The following HK2 variants were observed in gnomAD, a reference collection of about 807,000 sequenced individuals.
HK2 encodes hexokinase-2.
In HK2, 42 loss-of-function variants were observed where a neutral mutation model predicts 92.9. That is an observed-to-expected ratio of 0.45 (90% CI 0.35 to 0.58). HK2 has a LOEUF of 0.58. Ranked by LOEUF, HK2 falls within the 20% of genes least tolerant of loss-of-function variation. The pLI, the probability that HK2 is intolerant of heterozygous loss-of-function variation, is 0.00. For missense variants in HK2, 978 were observed against 1,245.1 expected (o/e 0.79, Z 3.23); for synonymous variants, 422 against 468.0 (o/e 0.90, Z 1.27).
At position 74,873,874 on chromosome 2, in the gene HK2, A is replaced by G; in HGVS notation, c.622A>G (p.Asn208Asp). The G allele has an allele frequency of 6.2e-7, 1 of 1,614,018 alleles. No homozygotes were observed. The highest frequency in any genetic ancestry group is 8.5e-7 in the Non-Finnish European group (1 of 1,179,994). Residue 208 changes from asparagine (N) to aspartate (D), a missense_variant, in exon 6 of 18, where the codon AAT becomes GAT. This residue lies in a region of HK2 where 189 missense variants were observed against 289.5 expected (regional missense o/e 0.65). Transcript: ENST00000290573. The part of the protein sequence containing the change: ...DFDIDIVAVV[N>D]DTVGTMMTCG... ...TGATATCGACATTGTGGCTGTGGTG[A>G]ATGACACAGTTGGGACCATGATGAC...
Position 74,867,796 on chromosome 2 carries a change from C to T in HK2, c.375+12C>T. ...GCAGTGGCACCCAGGTATGACCCTTCTCTCAGGGCAGCCCCTGGTGACAAA... is the reference window on the plus strand; with the variant it reads ...GCAGTGGCACCCAGGTATGACCCTTTTCTCAGGGCAGCCCCTGGTGACAAA... On this transcript the variant is annotated intron_variant, in intron 3 of 17. Transcript: ENST00000290573. 1 of 1,613,986 alleles carries T rather than the reference C, an allele frequency of 6.2e-7. No homozygotes were observed. Among genetic ancestry groups the T allele is most frequent in the Non-Finnish European group, 8.5e-7 (1 of 1,179,906 alleles).
intron 3 of HK2, among the ~76,000 whole-genome samples, chr2:74,870,554 CTTT>C (rs60629948): frequency 0.11 from 14,032 of 122,102 alleles, 1,701 homozygotes; most frequent in African/African-American, 0.34. Flanking sequence ...CTGCATCTCC[CTTT>C]TTTTTTTTTT....
intron 2 of HK2, among the ~76,000 whole-genome samples, chr2:74,862,747 C>T (rs1287694095): frequency 2.0e-5 from 3 of 152,212 alleles, no homozygotes; most frequent in African/African-American, 4.8e-5. Flanking sequence ...ATGGCACTTA[C>T]ATTGTCAGGC....
chr2:74,854,734 A>G (rs1488311488), intron 2 of HK2, among the ~76,000 whole-genome samples: 1 of 152,188 alleles, frequency 6.6e-6, no homozygotes, highest in African/African-American at 2.4e-5. Context: ...TGCTTGGCTC[A>G]GTTTGGCATT....
intron 6 of HK2, 98 bp downstream of exon 6, chr2:74,874,041 A>G: frequency 9.9e-7 from 1 of 1,011,108 alleles, no homozygotes; most frequent in South Asian, 1.3e-5. Context: ...GTTCCTTTGT[A>G]GTTCATATTA....
At chr2:74,868,750 A>C (rs1689023725) in intron 3 of HK2, among the ~76,000 whole-genome samples, 1 of 152,268 alleles carries the variant, frequency 6.6e-6, no homozygotes, top group Non-Finnish European at 1.5e-5. Context: ...AGTAAACTAG[A>C]TAAGACAAAA....
chr2:74,862,692 G>A (rs1252603544), intron 2 of HK2, among the ~76,000 whole-genome samples: 3 of 152,190 alleles, frequency 2.0e-5, no homozygotes, highest in Admixed American at 6.5e-5. Flanking sequence ...TAGTCCAGGC[G>A]ATATAAATTG....
intron 2 of HK2, among the ~76,000 whole-genome samples, chr2:74,864,092 A>G (rs966285587): frequency 6.6e-6 from 1 of 152,184 alleles, no homozygotes; most frequent in Admixed American, 6.5e-5. Context: ...GCCACCCTAC[A>G]TGGCCCTGGA....
intron 2 of HK2, among the ~76,000 whole-genome samples, chr2:74,856,005 C>T (rs935367890): frequency 2.0e-5 from 3 of 152,052 alleles, no homozygotes; most frequent in African/African-American, 7.2e-5. Flanking sequence ...GGTAGGTACT[C>T]ACATCTAGAG....
intron 7 of HK2, among the ~76,000 whole-genome samples, chr2:74,876,291 CTCCTCGCTGGGGCTCA>C (rs1264721069): frequency 6.6e-6 from 1 of 152,190 alleles, no homozygotes; most frequent in Non-Finnish European, 1.5e-5. Flanking sequence ...CCTGGGCCTC[CTCCTCGCTGGGGCTCA>C]TCCTAGTTAG....
At position 74,854,402 on chromosome 2, in the gene HK2, C is replaced by T. The variant is rs1688644858; in HGVS notation, c.173C>T (p.Thr58Ile). The T allele has an allele frequency of 1.2e-6, 2 of 1,614,118 alleles. No individual in the cohort carries two copies. The highest frequency in any genetic ancestry group is 1.7e-6 in the Non-Finnish European group (2 of 1,180,054). ...EKGLGATTHP[T>I]AAVKMLPTFV... The stretch of plus-strand genomic sequence containing the variant: ...GGGCTTGGAGCCACCACTCACCCTA[C>T]TGCAGCAGTGAAGATGCTGCCCACC... Residue 58 changes from threonine to isoleucine, a missense_variant, in exon 2 of 18, where the codon ACT becomes ATT. Transcript: ENST00000290573.
chr2:74,892,849 T>G lies in HK2; in HGVS notation c.*1908T>G, dbSNP rs1419917836. The stretch of plus-strand genomic sequence containing the variant: ...CGTTTGCTCTAGTCTTGCTTTGCTG[T>G]CTGGTGTAGCTCCTCTGCTGCTCCC... On this transcript the variant is annotated 3_prime_UTR_variant, in exon 18 of 18. Coordinates refer to ENST00000290573, the MANE Select transcript of HK2 (RefSeq NM_000189.5). 6.6e-6 allele frequency: 1 copy of G among 152,206 alleles called. No individual in the cohort carries two copies. The highest frequency in any genetic ancestry group is 1.5e-5 in the Non-Finnish European group (1 of 68,034). 9.4% of individuals were successfully genotyped at this position (152,206 alleles called of 1,614,324 possible).
chr2:74,890,770 C>T (rs1689656998), intron 17 of HK2, 27 bp from the exon 18 acceptor site: 2 of 1,613,846 alleles, frequency 1.2e-6, no homozygotes, highest in African/African-American at 1.3e-5. Flanking sequence ...GATGGTTTTT[C>T]CTGTGTCTTC....
At chr2:74,841,347 A>G (rs890953673) in intron 1 of HK2, among the ~76,000 whole-genome samples, 2 of 151,764 alleles carry the variant, frequency 1.3e-5, no homozygotes, top group African/African-American at 2.4e-5. Flanking sequence ...AGCAGAGGCT[A>G]GGAATGTTGC....
intron 1 of HK2, among the ~76,000 whole-genome samples, chr2:74,845,335 C>G (rs559457334): frequency 6.6e-6 from 1 of 152,286 alleles, no homozygotes; most frequent in South Asian, 2.1e-4. Context: ...CAGTCAATAT[C>G]TGTTGGCAGG....
intron 1 of HK2, among the ~76,000 whole-genome samples, chr2:74,835,787 G>A (rs1308391152): frequency 6.6e-6 from 1 of 152,222 alleles, no homozygotes; most frequent in Non-Finnish European, 1.5e-5. Flanking sequence ...GTGAGGCAAC[G>A]GAGCGTTGCT....
intron 1 of HK2, among the ~76,000 whole-genome samples, chr2:74,839,142 T>C (rs1394980694): frequency 6.6e-6 from 1 of 152,076 alleles, no homozygotes; most frequent in Non-Finnish European, 1.5e-5. Flanking sequence ...CCAAGAATTT[T>C]AATGTTTTTT....
intron 1 of HK2, among the ~76,000 whole-genome samples, chr2:74,836,821 A>G (rs1385158368): frequency 1.3e-5 from 2 of 152,170 alleles, no homozygotes; most frequent in Non-Finnish European, 2.9e-5. Flanking sequence ...GAAGAATGAA[A>G]ATTTAGTATA....
intron 1 of HK2, chr2:74,835,189 A>C: frequency 5.8e-6 from 1 of 171,610 alleles, no homozygotes; most frequent in Non-Finnish European, 1.2e-5. Context: ...GGAGTAGGAA[A>C]GGGGCAGAGG....
Sources: allele counts gnomAD v4.1 joint callset (sites outside exome capture counted in the v4.1 genomes callset), GRCh38; gene constraint gnomAD v4.1.1; regional missense constraint gnomAD v4.1.1; transcripts MANE v1.5; gene names NCBI Gene and HGNC (gene_info 2026-07-23, HGNC 2026-07-21).